The following ADAMDEC1 variants were observed in gnomAD, a reference collection of about 807,000 sequenced individuals.
ADAMDEC1 encodes the protein ADAM like decysin 1.
A neutral mutation model predicts 60.4 loss-of-function variants in ADAMDEC1; 62 were observed. The observed-to-expected ratio is 1.03, with a 90% CI of 0.84 to 1.27. The LOEUF is 1.27. Ranked by LOEUF, ADAMDEC1 falls within the 50% of genes most tolerant of loss-of-function variation. The pLI is 0.00. For missense variants in ADAMDEC1, 595 were observed against 565.0 expected (o/e 1.05, Z -0.54); for synonymous variants, 210 against 195.1 (o/e 1.08, Z -0.64).
intron 12 of ADAMDEC1, among the ~76,000 whole-genome samples, chr8:24,403,763 T>C (rs1366785867): frequency 2.6e-5 from 4 of 152,160 alleles, no homozygotes; most frequent in Admixed American, 1.3e-4. Context: ...CTAGACAAAA[T>C]TTATTTTTGA....
chr8:24,388,214 A>G (rs746629721), intron 1 of ADAMDEC1, among the ~76,000 whole-genome samples: 1 of 152,144 alleles, frequency 6.6e-6, no homozygotes, highest in Non-Finnish European at 1.5e-5. Flanking sequence ...CAGAACCTTG[A>G]GAACTTTCAG....
At chr8:24,402,774 C>G (rs1436002125) in intron 12 of ADAMDEC1, among the ~76,000 whole-genome samples, 3 of 152,196 alleles carry the variant, frequency 2.0e-5, no homozygotes, top group African/African-American at 4.8e-5. Flanking sequence ...TCTAAACTCT[C>G]TATGCTTCAG....
chr8:24,392,480 A>G (rs1817470852), intron 2 of ADAMDEC1, 100 bp downstream of exon 2: 1 of 846,318 alleles, frequency 1.2e-6, no homozygotes, highest in Non-Finnish European at 1.8e-6. Flanking sequence ...ACTATGTAAT[A>G]GTTTCATATT....
chr8:24,397,100 A>G (rs142899198), intron 5 of ADAMDEC1, among the ~76,000 whole-genome samples, 170 bp from the exon 6 acceptor site: 1 of 152,356 alleles, frequency 6.6e-6, no homozygotes, highest in East Asian at 1.9e-4. Flanking sequence ...TTCATTTTAT[A>G]TCGACAAATA....
chr8:24,389,318 C>G (rs999163645), intron 1 of ADAMDEC1, among the ~76,000 whole-genome samples: 10 of 152,146 alleles, frequency 6.6e-5, no homozygotes, highest in Non-Finnish European at 7.4e-5. Flanking sequence ...AATATCTAGT[C>G]ATCCTTGATT....
At chr8:24,398,171 A>C (rs1033000541) in intron 7 of ADAMDEC1, among the ~76,000 whole-genome samples, 1 of 151,806 alleles carries the variant, frequency 6.6e-6, no homozygotes, top group African/African-American at 2.4e-5. Context: ...TATCTAGTAA[A>C]TATTGTTTTG....
chr8:24,401,155 T>A (rs1353357877), intron 11 of ADAMDEC1, among the ~76,000 whole-genome samples: 1 of 152,164 alleles, frequency 6.6e-6, no homozygotes, highest in East Asian at 1.9e-4. Flanking sequence ...AAGGGTTGTG[T>A]ATCCCATTAA....
chr8:24,401,756 C>A (rs972292817), intron 11 of ADAMDEC1, among the ~76,000 whole-genome samples, 159 bp from the exon 12 acceptor site: 3 of 152,276 alleles, frequency 2.0e-5, no homozygotes, highest in Admixed American at 2.0e-4. Flanking sequence ...ACATTTAATA[C>A]AGGGCAGTCC....
intron 7 of ADAMDEC1, 29 bp downstream of exon 7, chr8:24,397,774 C>T (rs1008225495): frequency 6.3e-7 from 1 of 1,597,332 alleles, no homozygotes; most frequent in Non-Finnish European, 8.6e-7. Context: ...GCCCTCTCGG[C>T]CAGTTCAGTC....
At chr8:24,386,010 C>T (rs1002342205) in intron 1 of ADAMDEC1, among the ~76,000 whole-genome samples, 3 of 151,948 alleles carry the variant, frequency 2.0e-5, no homozygotes, top group Non-Finnish European at 4.4e-5. Flanking sequence ...CTCATAGATA[C>T]ATTTCTAGAA....
intron 11 of ADAMDEC1, among the ~76,000 whole-genome samples, 180 bp downstream of exon 11, chr8:24,400,480 A>G (rs1437831167): frequency 6.6e-6 from 1 of 152,112 alleles, no homozygotes; most frequent in African/African-American, 2.4e-5. Flanking sequence ...TGTTACCCAA[A>G]AAACAATCTT....
At chr8:24,397,767 C>G (rs751976456) in intron 7 of ADAMDEC1, 22 bp downstream of exon 7, 1 of 1,606,372 alleles carries the variant, frequency 6.2e-7, no homozygotes, top group East Asian at 2.2e-5. Flanking sequence ...ACACACGGCC[C>G]TCTCGGCCAG....
chr8:24,402,520 GA>G (rs1231574848), intron 12 of ADAMDEC1, among the ~76,000 whole-genome samples: 1 of 151,902 alleles, frequency 6.6e-6, no homozygotes, highest in Non-Finnish European at 1.5e-5. Context: ...AAGAGGAAAA[GA>G]AAAAATAATC....
In ADAMDEC1 at chr8:24,400,187, T is replaced by C. The variant is rs1457973285; in HGVS notation, c.1029T>C (p.Asn343=). 6.3e-7 allele frequency: 1 copy of C among 1,588,422 alleles called. No homozygotes were observed. The highest frequency in any genetic ancestry group is 8.5e-7 in the Non-Finnish European group (1 of 1,171,020). The part of the protein sequence containing the change: ...VAVIEAKKKN[N]VALVGVMSHE... ...TTTTCCAGGCTAAAAAAAAGAATAA[T>C]GTGGCTCTTGTAGGAGTGATGTCAC... Residue 343 remains asparagine, a synonymous_variant, in exon 11 of 14, where the codon AAT becomes AAC. Coordinates refer to ENST00000256412, the MANE Select transcript of ADAMDEC1 (RefSeq NM_014479.3).
chr8:24,399,503 T>G, intron 10 of ADAMDEC1, 29 bp downstream of exon 10: 2 of 1,559,288 alleles, frequency 1.3e-6, no homozygotes, highest in South Asian at 1.1e-5. Context: ...AGGCTCTCTG[T>G]GGTTCTGTAT....
intron 8 of ADAMDEC1, 28 bp from the exon 9 acceptor site, chr8:24,398,846 T>C: frequency 1.2e-6 from 2 of 1,606,116 alleles, no homozygotes; most frequent in Middle Eastern, 3.3e-4. Context: ...CCTGAACATT[T>C]TTATGAAGAT....
chr8:24,399,021 G>C lies in ADAMDEC1; in HGVS notation c.910G>C (p.Asp304His). ...HSSNLGKKIH[D>H]HAQLLSGISF... ...TTCTAACCTGGGGAAAAAGATCCAC[G>C]ACCATGCTCAGCTTCTCAGGTGAGC... The change falls in exon 9 of 14, where the codon GAC (aspartate) becomes CAC (histidine). Residue 304 changes from aspartate to histidine, a missense_variant. Transcript: ENST00000256412. 1 of 1,613,082 alleles carries C rather than the reference G, an allele frequency of 6.2e-7. No homozygotes were observed. The highest frequency in any genetic ancestry group is 8.5e-7 in the Non-Finnish European group (1 of 1,179,570).
chr8:24,400,352 T>G (rs1817731013), intron 11 of ADAMDEC1, 52 bp downstream of exon 11: 1 of 1,541,772 alleles, frequency 6.5e-7, no homozygotes, highest in Non-Finnish European at 8.7e-7. Context: ...ATCTTTTTTT[T>G]TTCTGAAGAC....
At position 24,400,206 on chromosome 8, in the gene ADAMDEC1, A is replaced by G; in HGVS notation, c.1048A>G (p.Met350Val). 4 of 1,606,676 alleles carry G rather than the reference A, an allele frequency of 2.5e-6. No individual in the cohort carries two copies. The highest frequency in any genetic ancestry group is 3.4e-6 in the Non-Finnish European group (4 of 1,176,594). The change falls in exon 11 of 14, where the codon ATG becomes GTG. Residue 350 changes from methionine (M) to valine (V), a missense_variant. Coordinates refer to ENST00000256412, the MANE Select transcript of ADAMDEC1 (RefSeq NM_014479.3). ...GAATAATGTGGCTCTTGTAGGAGTG[A>G]TGTCACATGAGCTGGGCCATGTCCT... ...KKNNVALVGV[M>V]SHELGHVLGM...
Sources: gnomAD v4.1 joint callset for allele counts (sites outside exome capture counted in the v4.1 genomes callset) on GRCh38, gnomAD v4.1.1 for gene constraint, MANE v1.5 for transcripts, NCBI Gene and HGNC (gene_info 2026-07-23, HGNC 2026-07-21) for gene names.